PLPPR1: variants seen among roughly 807,000 people sequenced by gnomAD.
The protein encoded by PLPPR1 is phospholipid phosphatase related 1, also known as phospholipid phosphatase-related protein type 1.
Under a neutral mutation model 33.1 loss-of-function variants are expected in PLPPR1, and 10 were observed. That is an observed-to-expected ratio of 0.30 (90% confidence interval 0.19 to 0.51). PLPPR1 has a LOEUF of 0.51. Ranked by LOEUF, PLPPR1 falls within the 20% of genes least tolerant of loss-of-function variation. PLPPR1 has a pLI of 0.97. For synonymous variants in PLPPR1, 151 were observed against 151.0 expected (o/e 1.00, Z 0.00); for missense variants, 304 against 408.1 (o/e 0.74, Z 2.20).
At chr9:101,091,418 G>A (rs1297032348) in intron 1 of PLPPR1, among the ~76,000 whole-genome samples, 1 of 152,132 alleles carries the variant, frequency 6.6e-6, no homozygotes, top group African/African-American at 2.4e-5. Context: ...ATGTCTTCTG[G>A]AGGCTCTGGG....
chr9:101,228,009 C>A (rs1466781901), intron 2 of PLPPR1, among the ~76,000 whole-genome samples: 2 of 152,134 alleles, frequency 1.3e-5, no homozygotes, highest in Non-Finnish European at 2.9e-5. Context: ...GAACTCCTGG[C>A]TTCAGGAGAT....
intron 2 of PLPPR1, among the ~76,000 whole-genome samples, chr9:101,237,455 C>T (rs560832080): frequency 6.7e-6 from 1 of 148,614 alleles, no homozygotes; most frequent in Admixed American, 6.7e-5. Flanking sequence ...AAAGAAAGGT[C>T]GTGTGTGTGT....
chr9:101,314,534 C>T (rs565523650), intron 6 of PLPPR1, among the ~76,000 whole-genome samples: 2 of 151,888 alleles, frequency 1.3e-5, no homozygotes, highest in South Asian at 2.1e-4. Flanking sequence ...TTTTTGGTTT[C>T]CCAGTGCATA....
intron 1 of PLPPR1, chr9:101,131,630 G>C (rs1831315403): frequency 6.6e-6 from 1 of 152,210 alleles, no homozygotes; most frequent in Admixed American, 6.5e-5. Flanking sequence ...TCTACATGCG[G>C]ATATGGAAGG....
intron 2 of PLPPR1, among the ~76,000 whole-genome samples, chr9:101,256,661 C>T (rs1827808521): frequency 6.6e-6 from 1 of 152,106 alleles, no homozygotes; most frequent in Admixed American, 6.6e-5. Context: ...CTTGCTATGA[C>T]ATATGCATAA....
chr9:101,087,181 C>CAAA (rs559631571), intron 1 of PLPPR1, among the ~76,000 whole-genome samples: 1 of 124,080 alleles, frequency 8.1e-6, no homozygotes, highest in African/African-American at 3.1e-5. Context: ...GACTCTGTCT[C>CAAA]AAAAAAAAAA....
chr9:101,292,636 G>A (rs1021762251), intron 4 of PLPPR1, among the ~76,000 whole-genome samples: 1 of 151,524 alleles, frequency 6.6e-6, no homozygotes. Flanking sequence ...GGCGGGGCGG[G>A]GGGGGCCAAT....
At chr9:101,071,059 C>T (rs2118488439) in intron 1 of PLPPR1, among the ~76,000 whole-genome samples, 1 of 152,200 alleles carries the variant, frequency 6.6e-6, no homozygotes, top group Admixed American at 6.5e-5. Flanking sequence ...GACCATCTGG[C>T]TGTGTGTATC....
intron 1 of PLPPR1, among the ~76,000 whole-genome samples, chr9:101,166,007 T>C (rs185902141): frequency 1.4e-4 from 22 of 152,310 alleles, no homozygotes; most frequent in Admixed American, 1.3e-4. Flanking sequence ...TGAACAATCT[T>C]TAATAAAAGC....
intron 4 of PLPPR1, among the ~76,000 whole-genome samples, chr9:101,306,952 C>G (rs923763628): frequency 3.3e-5 from 5 of 152,180 alleles, no homozygotes; most frequent in Non-Finnish European, 5.9e-5. Context: ...TGGAAAAGCC[C>G]TGTATGATCT....
chr9:101,175,443 T>C (rs1588058272), intron 1 of PLPPR1, among the ~76,000 whole-genome samples: 1 of 152,312 alleles, frequency 6.6e-6, no homozygotes, highest in East Asian at 1.9e-4. Context: ...TGCTAAAAAG[T>C]GGGTCCTAGG....
At chr9:101,131,550 G>A (rs1256257617) in intron 1 of PLPPR1, 2 of 152,234 alleles carry the variant, frequency 1.3e-5, no homozygotes, top group Non-Finnish European at 2.9e-5. Flanking sequence ...GAGCTGGAAT[G>A]TAGAGGACTC....
intron 2 of PLPPR1, among the ~76,000 whole-genome samples, chr9:101,203,714 C>T (rs371376283): frequency 9.4e-5 from 11 of 117,116 alleles, no homozygotes; most frequent in African/African-American, 3.0e-4. Context: ...TATCTATATA[C>T]ACATTATATA....
At chr9:101,302,923 G>A (rs867281887) in intron 4 of PLPPR1, among the ~76,000 whole-genome samples, 6 of 152,268 alleles carry the variant, frequency 3.9e-5, no homozygotes, top group South Asian at 2.1e-4. Context: ...TATCTTTCAC[G>A]ACATCGTTTT....
chr9:101,097,047 C>T (rs1211136829), intron 1 of PLPPR1, among the ~76,000 whole-genome samples: 1 of 152,158 alleles, frequency 6.6e-6, no homozygotes, highest in Non-Finnish European at 1.5e-5. Flanking sequence ...GTATCACCCA[C>T]ATGAATAAGG....
At chr9:101,255,850 G>A (rs1257409444) in intron 2 of PLPPR1, among the ~76,000 whole-genome samples, 1 of 152,150 alleles carries the variant, frequency 6.6e-6, no homozygotes, top group South Asian at 2.1e-4. Context: ...TTCCCCAATA[G>A]TGCATCTATG....
rs184239708 is a variant in PLPPR1, at chr9:101,129,976, C to T, written c.-45-55474C>T. ...TACGTAAAATTCTAGGAAGTGCAAACTAATGTATTTTGACAGCAGTTAATG... is the reference window on the plus strand; with the variant it reads ...TACGTAAAATTCTAGGAAGTGCAAATTAATGTATTTTGACAGCAGTTAATG... On this transcript the variant is annotated intron_variant, in intron 1 of 7. Coordinates refer to ENST00000374874, the MANE Select transcript of PLPPR1 (RefSeq NM_207299.2). 3.3e-4 allele frequency among the ~76,000 whole-genome samples: 50 copies of T among 151,982 alleles called. 1 individual carries two copies. The highest frequency in any genetic ancestry group is 7.1e-4 in the Non-Finnish European group (48 of 68,010).
intron 2 of PLPPR1, among the ~76,000 whole-genome samples, chr9:101,219,218 C>A (rs1055640004): frequency 6.6e-6 from 1 of 152,156 alleles, no homozygotes; most frequent in African/African-American, 2.4e-5. Flanking sequence ...CTCCCAGACA[C>A]CATGTAGATA....
At chr9:101,083,855 G>C (rs1190690148) in intron 1 of PLPPR1, among the ~76,000 whole-genome samples, 3 of 152,206 alleles carry the variant, frequency 2.0e-5, no homozygotes, top group Non-Finnish European at 4.4e-5. Context: ...ACAAGAGTAA[G>C]TACAGTCATG....
Sources: gnomAD v4.1 joint callset for allele counts (sites outside exome capture counted in the v4.1 genomes callset) on GRCh38, gnomAD v4.1.1 for gene constraint, MANE v1.5 for transcripts, NCBI Gene and HGNC (gene_info 2026-07-23, HGNC 2026-07-21) for gene names.